The following RHOU variants were observed in gnomAD, a reference collection of about 807,000 sequenced individuals.
The protein encoded by RHOU is rho-related GTP-binding protein RhoU.
RHOU carries 8 observed loss-of-function variants against 12.6 expected under a neutral mutation model. The observed-to-expected ratio is 0.64, with a 90% CI of 0.37 to 1.15. RHOU has a LOEUF of 1.15. RHOU is among the 50% of genes most tolerant of loss of function. The pLI is 0.01. For missense variants in RHOU, 258 were observed against 347.0 expected (o/e 0.74, Z 2.04); for synonymous variants, 161 against 147.4 (o/e 1.09, Z -0.67).
the RHOU span, among the ~76,000 whole-genome samples, chr1:228,710,074 T>C: frequency 6.6e-6 from 1 of 152,154 alleles, no homozygotes; most frequent in Non-Finnish European, 1.5e-5. Context: ...AATGGATAAA[T>C]TCCTTGACAT....
At chr1:228,707,130 A>ATATATATG in the RHOU span, among the ~76,000 whole-genome samples, 1,569 of 110,134 alleles carry the variant, frequency 0.014, 28 homozygotes, top group South Asian at 0.02. Flanking sequence ...ATATATACAT[A>ATATATATG]TATATATATA....
At chr1:228,685,772 C>A in the RHOU span, among the ~76,000 whole-genome samples, 1 of 152,128 alleles carries the variant, frequency 6.6e-6, no homozygotes, top group Non-Finnish European at 1.5e-5. Flanking sequence ...AATTGAAAAA[C>A]CTCTTTGTTC....
chr1:228,728,849 A>C, the RHOU span, among the ~76,000 whole-genome samples: 1 of 151,708 alleles, frequency 6.6e-6, no homozygotes. Flanking sequence ...AATTGCCCCC[A>C]ATTACTCTGA....
the RHOU span, among the ~76,000 whole-genome samples, chr1:228,719,075 A>G: frequency 6.6e-6 from 1 of 152,186 alleles, no homozygotes; most frequent in East Asian, 1.9e-4. Context: ...GGTATATGAG[A>G]GTAGAAGGAG....
rs751613714 is a variant in RHOU at position 228,737,692 on chromosome 1, G to A, written c.282G>A (p.Gly94=). The A allele has an allele frequency of 6.2e-6, 10 of 1,614,160 alleles. No individual in the cohort carries two copies. Among genetic ancestry groups the A allele is most frequent in the Non-Finnish European group, 6.8e-6 (8 of 1,180,040 alleles). Residue 94 remains glycine, a synonymous_variant, in exon 2 of 3, where the codon GGG becomes GGA. Coordinates refer to ENST00000366691, the MANE Select transcript of RHOU (RefSeq NM_021205.6). The surrounding 1 kb of genome is among the most constrained non-coding windows in gnomAD (Gnocchi z 4.1). The part of the protein sequence containing the change: ...DNFSAVVSVD[G]RPVRLQLCDT... ...TTTAAGCGGTGGTGTCTGTGGATGG[G>A]CGGCCCGTGAGACTCCAACTCTGTG...
chr1:228,646,847 G>C, the RHOU span, among the ~76,000 whole-genome samples: 4 of 152,122 alleles, frequency 2.6e-5, no homozygotes, highest in East Asian at 3.9e-4. Flanking sequence ...CGGCTTGAAG[G>C]AGAGCAAGGA....
chr1:228,652,608 C>CT, the RHOU span: 1 of 152,050 alleles, frequency 6.6e-6, no homozygotes, highest in African/African-American at 2.4e-5. Context: ...CCAGAACTTT[C>CT]TTTTTTAAAA....
chr1:228,648,663 A>G, the RHOU span, among the ~76,000 whole-genome samples: 1 of 151,926 alleles, frequency 6.6e-6, no homozygotes, highest in East Asian at 1.9e-4. Context: ...TTCTTGACAT[A>G]CCTGAATTGT....
At chr1:228,674,025 G>A in the RHOU span, among the ~76,000 whole-genome samples, 46 of 152,102 alleles carry the variant, frequency 3.0e-4, no homozygotes, top group Non-Finnish European at 4.7e-4. Flanking sequence ...TAGTTTTTCC[G>A]CATTCTTGCC....
chr1:228,705,561 G>A, the RHOU span, among the ~76,000 whole-genome samples: 1 of 152,160 alleles, frequency 6.6e-6, no homozygotes, highest in African/African-American at 2.4e-5. Flanking sequence ...AAATGCAAAA[G>A]TCCCTGCAAA....
chr1:228,646,623 G>A, the RHOU span, among the ~76,000 whole-genome samples: 1 of 137,768 alleles, frequency 7.3e-6, no homozygotes, highest in African/African-American at 2.8e-5. Context: ...CGGGTCGGGG[G>A]GTGGCCCTGT....
At position 228,735,920 on chromosome 1, in the gene RHOU, G is replaced by A. The variant is rs1571887851; in HGVS notation, c.178G>A (p.Val60Met). Residue 60 changes from valine to methionine, a missense_variant, in exon 1 of 3, where the codon GTG becomes ATG. By Grantham distance (21) the Val-to-Met change is conservative. Coordinates refer to ENST00000366691, the MANE Select transcript of RHOU (RefSeq NM_021205.6). This position sits in a 1 kb window ranked among gnomAD's most constrained non-coding sequence, Gnocchi z 8.1. ...VKCVLVGDGA[V>M]GKTSLVVSYT... is the part of the protein sequence containing the mutation. ...GTGCGTGCTGGTCGGCGACGGCGCGGTGGGCAAGACGAGCCTGGTGGTGAG... is the reference window on the plus strand; with the variant it reads ...GTGCGTGCTGGTCGGCGACGGCGCGATGGGCAAGACGAGCCTGGTGGTGAG... 6.4e-7 allele frequency: 1 copy of A among 1,563,460 alleles called. No homozygotes were observed. The highest frequency in any genetic ancestry group is 8.6e-7 in the Non-Finnish European group (1 of 1,159,180).
the RHOU span, among the ~76,000 whole-genome samples, chr1:228,668,993 G>A: frequency 1.3e-5 from 2 of 152,214 alleles, no homozygotes; most frequent in African/African-American, 4.8e-5. Flanking sequence ...GGGGCAGGAT[G>A]GGCCTTGATG....
chr1:228,657,278 T>TAA, the RHOU span, among the ~76,000 whole-genome samples: 1 of 2,912 alleles, frequency 3.4e-4, no homozygotes, highest in Non-Finnish European at 6.3e-4. Flanking sequence ...AAACTCCATC[T>TAA]CAAAAAAAAA....
chr1:228,706,585 T>C, the RHOU span, among the ~76,000 whole-genome samples: 2 of 152,248 alleles, frequency 1.3e-5, no homozygotes, highest in South Asian at 4.1e-4. Context: ...GTTCATTATG[T>C]ATGGAGAAAC....
At chr1:228,680,563 A>T in the RHOU span, among the ~76,000 whole-genome samples, 1 of 152,086 alleles carries the variant, frequency 6.6e-6, no homozygotes, top group Admixed American at 6.5e-5. Flanking sequence ...CCTCTCTATT[A>T]TTGTACACCT....
At chr1:228,677,515 CAGTG>C in the RHOU span, among the ~76,000 whole-genome samples, 1 of 151,430 alleles carries the variant, frequency 6.6e-6, no homozygotes, top group African/African-American at 2.4e-5. Flanking sequence ...TTTTTTTTAG[CAGTG>C]AGTAAGTCAG....
At chr1:228,681,604 A>C in the RHOU span, among the ~76,000 whole-genome samples, 1 of 152,102 alleles carries the variant, frequency 6.6e-6, no homozygotes, top group Admixed American at 6.5e-5. Flanking sequence ...TTTCGACAAA[A>C]AGTATCTAGG....
At chr1:228,664,238 C>T in the RHOU span, among the ~76,000 whole-genome samples, 1 of 102,214 alleles carries the variant, frequency 9.8e-6, no homozygotes, top group African/African-American at 5.5e-5. Flanking sequence ...AGGCTGGTCT[C>T]GAACTCCTGG....
Sources: gnomAD v4.1 joint callset for allele counts (sites outside exome capture counted in the v4.1 genomes callset) on GRCh38, gnomAD v4.1.1 for gene constraint, Gnocchi (gnomAD v3.1) non-coding constraint, MANE v1.5 for transcripts, NCBI Gene and HGNC (gene_info 2026-07-23, HGNC 2026-07-21) for gene names.